Variants in C12orf56 observed in about 807,000 individuals in gnomAD.
C12orf56 encodes chromosome 12 open reading frame 56, also known as uncharacterized protein C12orf56.
C12orf56 carries 71 observed loss-of-function variants against 69.9 expected under a neutral mutation model. The ratio of observed to expected loss-of-function variants is 1.02; its 90% CI spans 0.84 to 1.24. The LOEUF (loss-of-function observed/expected upper bound fraction) is 1.24. Ranked by LOEUF, C12orf56 falls within the 50% of genes most tolerant of loss-of-function variation. The probability of loss-of-function intolerance (pLI) is 0.00; values close to 1 mark genes in which losing one functional copy is unlikely to be tolerated. For synonymous variants in C12orf56, 276 were observed against 274.1 expected (o/e 1.01, Z -0.07); for missense variants, 732 against 738.5 (o/e 0.99, Z 0.10).
intron 3 of C12orf56, among the ~76,000 whole-genome samples, chr12:64,324,130 A>T (rs994971693): frequency 6.6e-6 from 1 of 152,228 alleles, no homozygotes; most frequent in African/African-American, 2.4e-5. Context: ...AGAGCAAATC[A>T]CACTCCCACA....
chr12:64,277,352 CATG>C, intron 9 of C12orf56, among the ~76,000 whole-genome samples: 1 of 152,128 alleles, frequency 6.6e-6, no homozygotes, highest in South Asian at 2.1e-4. Context: ...ACATATACAT[CATG>C]TTTTGTACAC....
chr12:64,335,417 CAAAAAA>C (rs59759648), intron 2 of C12orf56, among the ~76,000 whole-genome samples: 9 of 98,292 alleles, frequency 9.2e-5, no homozygotes, highest in Admixed American at 2.3e-4. Context: ...ACTTCATCTC[CAAAAAA>C]AAAAAAAAAA....
intron 6 of C12orf56, among the ~76,000 whole-genome samples, chr12:64,286,907 T>A (rs1049555604): frequency 6.6e-6 from 1 of 152,102 alleles, no homozygotes; most frequent in Admixed American, 6.6e-5. Context: ...GCAGGATGTT[T>A]ACCGGATACT....
chr12:64,275,271 TA>T (rs1404122663), intron 10 of C12orf56, 26 bp downstream of exon 10: 2 of 1,096,220 alleles, frequency 1.8e-6, no homozygotes, highest in Non-Finnish European at 2.6e-6. Context: ...ATAAAATATG[TA>T]AAAATATAAT....
At chr12:64,273,033 CA>C (rs1424254290) in intron 11 of C12orf56, among the ~76,000 whole-genome samples, 1 of 152,202 alleles carries the variant, frequency 6.6e-6, no homozygotes, top group Non-Finnish European at 1.5e-5. Flanking sequence ...CACAGTGGCT[CA>C]TGCCTGTAAT....
intron 6 of C12orf56, among the ~76,000 whole-genome samples, chr12:64,299,800 T>C (rs1211451857): frequency 1.3e-5 from 2 of 152,170 alleles, no homozygotes; most frequent in African/African-American, 4.8e-5. Context: ...AGATTAGGCA[T>C]GAAAACTGTC....
chr12:64,271,557 A>G (rs1237066482), intron 11 of C12orf56, among the ~76,000 whole-genome samples: 1 of 152,136 alleles, frequency 6.6e-6, no homozygotes, highest in Non-Finnish European at 1.5e-5. Flanking sequence ...CACACTACAC[A>G]CCCATTGAAT....
In C12orf56 at chr12:64,357,730, A is replaced by G. The variant is rs142066084; in HGVS notation, c.253-4674T>C. 4.8e-3 allele frequency among the ~76,000 whole-genome samples: 732 copies of G among 151,864 alleles called. 5 individuals carry two copies. Among genetic ancestry groups the G allele is most frequent in the Non-Finnish European group, 6.2e-3 (418 of 67,940 alleles). On this transcript the variant is annotated intron_variant, in intron 1 of 12. Transcript: ENST00000543942. ...TGGCCAACATAGTGAGACCCCCCCA[A>G]TCTCTACTAAAAATGCAAACATTAG...
chr12:64,359,479 TA>T lies in C12orf56; in HGVS notation c.253-6424del, dbSNP rs998030851. On this transcript the variant is annotated intron_variant, in intron 1 of 12. Transcript: ENST00000543942. ...TTTCCTCCTTTATACTTTTAAAAAT[TA>T]AAAAAAAATTCAAAAATAAAAATCT... Among the ~76,000 whole-genome samples the T allele has an allele frequency of 8.6e-5, 13 of 151,734 alleles. 2 individuals are homozygous for T. The highest frequency in any genetic ancestry group is 3.3e-4 in the Admixed American group (5 of 15,196).
chr12:64,353,655 A>ACATC (rs1380941524), intron 1 of C12orf56, among the ~76,000 whole-genome samples: 1 of 152,220 alleles, frequency 6.6e-6, no homozygotes, highest in Non-Finnish European at 1.5e-5. Flanking sequence ...TTGTTAAAGT[A>ACATC]CATCCCTCTC....
chr12:64,360,850 A>G (rs1167309151), intron 1 of C12orf56, among the ~76,000 whole-genome samples: 6 of 152,222 alleles, frequency 3.9e-5, no homozygotes, highest in African/African-American at 1.4e-4. Context: ...AATTGCCAAC[A>G]AAAAACCTTT....
chr12:64,365,308 G>T (rs920179713), intron 1 of C12orf56, among the ~76,000 whole-genome samples: 3 of 151,656 alleles, frequency 2.0e-5, no homozygotes, highest in African/African-American at 7.3e-5. Flanking sequence ...GGGACTACAG[G>T]TGCCCGCCAC....
Position 64,270,672 on chromosome 12 carries a change from G to A in C12orf56, c.1627C>T (p.Leu543Phe), listed in dbSNP as rs1228136251. The change falls in exon 12 of 13, where the codon CTT becomes TTT. Residue 543 changes from leucine (L) to phenylalanine (F), a missense_variant. Leu to Phe is a conservative substitution (Grantham distance 22). Coordinates refer to ENST00000543942, the MANE Select transcript of C12orf56 (RefSeq NM_001170633.2). ...ASIVKQVVRG[L>F]SASFQLLSPC... ...CTTAGCAGCTGAAATGAAGCTGAAA[G>A]ACCCCTCACCACTTGTTTCACAATA... 1 of 1,613,266 alleles carries A rather than the reference G, an allele frequency of 6.2e-7. No homozygotes were observed. Among genetic ancestry groups the A allele is most frequent in the East Asian group, 2.2e-5 (1 of 44,894 alleles).
intron 2 of C12orf56, among the ~76,000 whole-genome samples, chr12:64,349,801 A>T (rs11613091): frequency 0.28 from 43,337 of 152,102 alleles, 6,435 homozygotes; most frequent in Admixed American, 0.37. Context: ...AGGCATAAGA[A>T]TGATATAATG....
intron 3 of C12orf56, among the ~76,000 whole-genome samples, chr12:64,323,178 T>G (rs1301607301): frequency 6.6e-6 from 1 of 152,108 alleles, no homozygotes; most frequent in African/African-American, 2.4e-5. Context: ...CACACAAACA[T>G]CAGAGAAGGA....
intron 4 of C12orf56, among the ~76,000 whole-genome samples, chr12:64,314,703 C>G (rs1309575257): frequency 6.6e-6 from 1 of 151,600 alleles, no homozygotes; most frequent in South Asian, 2.1e-4. Flanking sequence ...AGCGCCATCT[C>G]GGCTCACGGC....
chr12:64,323,003 G>T (rs1272962378), intron 3 of C12orf56, among the ~76,000 whole-genome samples: 1 of 152,074 alleles, frequency 6.6e-6, no homozygotes, highest in Non-Finnish European at 1.5e-5. Context: ...TATTCAAGCT[G>T]GGCAATCAGA....
intron 1 of C12orf56, chr12:64,389,088 C>G (rs2039832200): frequency 6.6e-6 from 1 of 152,070 alleles, no homozygotes; most frequent in South Asian, 2.1e-4. Flanking sequence ...AAGCGTCTCG[C>G]CAACCTCTCC....
At chr12:64,350,183 T>C (rs2039203937) in intron 2 of C12orf56, among the ~76,000 whole-genome samples, 1 of 151,400 alleles carries the variant, frequency 6.6e-6, no homozygotes, top group African/African-American at 2.4e-5. Flanking sequence ...GACTACAAAT[T>C]GGATGCAGTG....
Sources: gnomAD v4.1 joint callset for allele counts (sites outside exome capture counted in the v4.1 genomes callset) on GRCh38, gnomAD v4.1.1 for gene constraint, MANE v1.5 for transcripts, NCBI Gene and HGNC (gene_info 2026-07-23, HGNC 2026-07-21) for gene names.